SNX29: variants seen among roughly 807,000 people sequenced by gnomAD.
SNX29 encodes the protein sorting nexin-29.
Under a neutral mutation model 102.1 loss-of-function variants are expected in SNX29, and 78 were observed. That is an observed-to-expected ratio of 0.76 (90% CI 0.64 to 0.92). The LOEUF (loss-of-function observed/expected upper bound fraction) is 0.92, where lower values mean the gene tolerates loss of function less well. Ranked by LOEUF, SNX29 falls within the 40% of genes least tolerant of loss-of-function variation. SNX29 has a pLI of 0.00. For synonymous variants in SNX29, 580 were observed against 414.5 expected (o/e 1.40, Z -4.85); for missense variants, 1,280 against 1,061.7 (o/e 1.21, Z -2.86).
At chr16:12,444,658 T>C (rs923145720) in intron 18 of SNX29, among the ~76,000 whole-genome samples, 2 of 151,910 alleles carry the variant, frequency 1.3e-5, no homozygotes, top group Non-Finnish European at 2.9e-5. Flanking sequence ...AGGGAGAGCG[T>C]TTTTCTCCAT....
intron 15 of SNX29, among the ~76,000 whole-genome samples, chr16:12,307,981 A>G (rs1303979003): frequency 6.6e-6 from 1 of 152,174 alleles, no homozygotes; most frequent in Non-Finnish European, 1.5e-5. Flanking sequence ...TGGTGTAGAC[A>G]GAGTGCTGTG....
intron 14 of SNX29, among the ~76,000 whole-genome samples, chr16:12,223,334 T>A (rs1291896953): frequency 6.6e-6 from 1 of 152,214 alleles, no homozygotes; most frequent in Non-Finnish European, 1.5e-5. Context: ...GAGACCATCG[T>A]GGCCAACATG....
At chr16:12,554,379 T>G (rs1000647225) in intron 20 of SNX29, among the ~76,000 whole-genome samples, 1 of 88,784 alleles carries the variant, frequency 1.1e-5, no homozygotes, top group Non-Finnish European at 1.8e-5. Context: ...AAGGTGTTTC[T>G]GTGCCCCGTG....
chr16:12,132,188 T>A (rs999662897), intron 13 of SNX29, among the ~76,000 whole-genome samples: 2 of 151,120 alleles, frequency 1.3e-5, no homozygotes, highest in African/African-American at 4.9e-5. Context: ...AACCTCTGCC[T>A]CCCGGGTTCA....
At chr16:12,161,867 G>A (rs1466659666) in intron 13 of SNX29, among the ~76,000 whole-genome samples, 1 of 152,082 alleles carries the variant, frequency 6.6e-6, no homozygotes. Flanking sequence ...GCTGGACCGC[G>A]TTTCTTACAC....
At chr16:12,458,248 T>G (rs1210666005) in intron 18 of SNX29, among the ~76,000 whole-genome samples, 2 of 152,144 alleles carry the variant, frequency 1.3e-5, no homozygotes, top group Admixed American at 6.6e-5. Flanking sequence ...TTGTAGCATA[T>G]CTGCCCCGAG....
intron 14 of SNX29, among the ~76,000 whole-genome samples, chr16:12,231,402 C>G (rs998379204): frequency 1.4e-4 from 22 of 152,190 alleles, no homozygotes; most frequent in African/African-American, 5.1e-4. Context: ...TTTTACCCCA[C>G]TTAATCGTCT....
chr16:12,304,805 T>C (rs1215646353), intron 15 of SNX29, among the ~76,000 whole-genome samples: 1 of 152,242 alleles, frequency 6.6e-6, no homozygotes, highest in Non-Finnish European at 1.5e-5. Flanking sequence ...AGAGAGGATA[T>C]GAACTATAAA....
At chr16:12,535,968 C>G (rs992457863) in intron 20 of SNX29, among the ~76,000 whole-genome samples, 4 of 152,098 alleles carry the variant, frequency 2.6e-5, no homozygotes, top group African/African-American at 7.2e-5. Flanking sequence ...AGCTTTGACC[C>G]CGGCTGAGAA....
At position 12,048,633 on chromosome 16, in the gene SNX29, G is replaced by T. The variant is rs3975441; in HGVS notation, c.748+13G>T. 11 of 1,613,814 alleles carry T rather than the reference G, an allele frequency of 6.8e-6. No homozygotes were observed. Among genetic ancestry groups the T allele is most frequent in the Non-Finnish European group, 9.3e-6 (11 of 1,179,876 alleles). ...AATGTCAGTGCTGGTGAGTGGGAAC[G>T]GGTGCTCGAGGCGGAGCAGAGGGAA... is the stretch of plus-strand genomic sequence containing the variant. On this transcript the variant is annotated intron_variant, in intron 7 of 20. Coordinates refer to ENST00000566228, the MANE Select transcript of SNX29 (RefSeq NM_032167.5).
intron 18 of SNX29, among the ~76,000 whole-genome samples, chr16:12,424,568 C>T (rs564373998): frequency 6.6e-6 from 1 of 152,218 alleles, no homozygotes; most frequent in Admixed American, 6.5e-5. Flanking sequence ...TCTTTATTAG[C>T]AGTAAGAGGC....
chr16:12,548,258 C>T (rs780549293), intron 20 of SNX29, among the ~76,000 whole-genome samples: 5 of 152,208 alleles, frequency 3.3e-5, no homozygotes, highest in African/African-American at 4.8e-5. Flanking sequence ...CCTTCTGGCT[C>T]ACCAGATGTG....
intron 12 of SNX29, among the ~76,000 whole-genome samples, chr16:12,128,089 A>G (rs1230232636): frequency 6.6e-6 from 1 of 152,210 alleles, no homozygotes; most frequent in African/African-American, 2.4e-5. Flanking sequence ...AAAAGCAAAC[A>G]AACATGATTT....
At chr16:12,448,671 T>C (rs1012834447) in intron 18 of SNX29, among the ~76,000 whole-genome samples, 6 of 152,164 alleles carry the variant, frequency 3.9e-5, no homozygotes, top group Non-Finnish European at 7.4e-5. Flanking sequence ...AGCCTGACTT[T>C]ATCGCATTCC....
intron 20 of SNX29, among the ~76,000 whole-genome samples, chr16:12,566,067 C>T (rs763473672): frequency 6.6e-6 from 1 of 152,236 alleles, no homozygotes; most frequent in Non-Finnish European, 1.5e-5. Flanking sequence ...CCCATTGTCT[C>T]TCTAGGCACT....
rs2079135583 is a variant in SNX29, at chr16:12,569,319, G to GC, written c.*693dup. On this transcript the variant is annotated 3_prime_UTR_variant, in exon 21 of 21. Coordinates refer to ENST00000566228, the MANE Select transcript of SNX29 (RefSeq NM_032167.5). Reference sequence around the variant, plus strand: ...ATGGCTGGCTTCAGGAAGGACCAGTGCCCTCCATAGCCTGAGGCCACCTAG... The same window carrying GC: ...ATGGCTGGCTTCAGGAAGGACCAGTGCCCCTCCATAGCCTGAGGCCACCTAG... 1 of 229,504 alleles carries GC rather than the reference G, an allele frequency of 4.4e-6. No individual in the cohort carries two copies. Among genetic ancestry groups the GC allele is most frequent in the Admixed American group, 5.7e-5 (1 of 17,612 alleles). The allele number at this position is 229,504 out of a possible 1,614,324, so 14.2% of individuals were successfully genotyped here.
Position 12,572,567 on chromosome 16 carries a change from G to C in SNX29, c.*3938G>C. ...ACACCATCTGGCTCCTCACAGGGAG[G>C]TCCAGCCATGTTCTCTGGGCTCCCA... On this transcript the variant is annotated 3_prime_UTR_variant, in exon 21 of 21. Transcript: ENST00000566228. The C allele has an allele frequency of 9.4e-7, 1 of 1,064,054 alleles. No homozygotes were observed. Among genetic ancestry groups the C allele is most frequent in the Non-Finnish European group, 1.1e-6 (1 of 878,446 alleles). The allele number at this position is 1,064,054 out of a possible 1,614,324, so 65.9% of individuals were successfully genotyped here.
intron 16 of SNX29, among the ~76,000 whole-genome samples, chr16:12,361,903 G>A (rs2082310497): frequency 6.6e-6 from 1 of 150,914 alleles, no homozygotes; most frequent in Admixed American, 6.6e-5. Context: ...ACCAGTCTTG[G>A]GTTTCTCTTT....
At chr16:12,540,775 T>G (rs1355198561) in intron 20 of SNX29, among the ~76,000 whole-genome samples, 1 of 152,078 alleles carries the variant, frequency 6.6e-6, no homozygotes, top group Non-Finnish European at 1.5e-5. Flanking sequence ...TCCCCTAGAG[T>G]GTCAGGTGCT....
Sources: allele counts gnomAD v4.1 joint callset (sites outside exome capture counted in the v4.1 genomes callset), GRCh38; gene constraint gnomAD v4.1.1; transcripts MANE v1.5; gene names NCBI Gene and HGNC (gene_info 2026-07-23, HGNC 2026-07-21).